PELI2: variants seen among roughly 807,000 people sequenced by gnomAD.
PELI2 encodes pellino E3 ubiquitin protein ligase family member 2, also known as E3 ubiquitin-protein ligase pellino homolog 2.
In PELI2, 23 loss-of-function variants were observed where a neutral mutation model predicts 42.3. The ratio of observed to expected loss-of-function variants is 0.54; its 90% CI spans 0.39 to 0.77. The LOEUF (loss-of-function observed/expected upper bound fraction) is 0.77, where lower values mean the gene tolerates loss of function less well. Ranked by LOEUF, PELI2 falls within the 30% of genes least tolerant of loss-of-function variation. PELI2 has a pLI of 0.00. For synonymous variants in PELI2, 245 were observed against 212.2 expected (o/e 1.15, Z -1.34); for missense variants, 463 against 553.2 (o/e 0.84, Z 1.64).
chr14:56,279,117 C>G (rs534749813), intron 2 of PELI2, among the ~76,000 whole-genome samples: 1 of 152,068 alleles, frequency 6.6e-6, no homozygotes, highest in Non-Finnish European at 1.5e-5. Context: ...TCTGACTTAA[C>G]TAGTTGCTTA....
intron 2 of PELI2, among the ~76,000 whole-genome samples, chr14:56,228,899 C>A (rs1256194697): frequency 6.6e-6 from 1 of 152,244 alleles, no homozygotes; most frequent in Non-Finnish European, 1.5e-5. Flanking sequence ...CACTCCCACC[C>A]TAATACTGTG....
chr14:56,187,432 A>C (rs1885805967), intron 2 of PELI2, among the ~76,000 whole-genome samples: 1 of 152,170 alleles, frequency 6.6e-6, no homozygotes, highest in Non-Finnish European at 1.5e-5. Flanking sequence ...AAGCAAAAAT[A>C]ATGGAGGCTT....
At chr14:56,291,152 T>C (rs1889814621) in intron 5 of PELI2, among the ~76,000 whole-genome samples, 1 of 152,246 alleles carries the variant, frequency 6.6e-6, no homozygotes, top group African/African-American at 2.4e-5. Flanking sequence ...CACTGATTTT[T>C]AGTAAGCTGT....
At chr14:56,207,008 G>C (rs1052669166) in intron 2 of PELI2, among the ~76,000 whole-genome samples, 2 of 152,132 alleles carry the variant, frequency 1.3e-5, no homozygotes, top group Middle Eastern at 3.2e-3. Context: ...GATTACATGG[G>C]TATTCAATTG....
At chr14:56,206,704 GTT>G (rs200466693) in intron 2 of PELI2, among the ~76,000 whole-genome samples, 2 of 151,422 alleles carry the variant, frequency 1.3e-5, no homozygotes, top group African/African-American at 2.4e-5. Flanking sequence ...CTCCTTGATC[GTT>G]TTTTTTGTTT....
At chr14:56,270,491 C>G (rs929401365) in intron 2 of PELI2, among the ~76,000 whole-genome samples, 1 of 152,148 alleles carries the variant, frequency 6.6e-6, no homozygotes, top group African/African-American at 2.4e-5. Context: ...GGATTTATTG[C>G]CTAATTATAC....
intron 3 of PELI2, among the ~76,000 whole-genome samples, chr14:56,285,771 T>C (rs1282957465): frequency 6.6e-6 from 1 of 152,028 alleles, no homozygotes; most frequent in African/African-American, 2.4e-5. Flanking sequence ...GTGGAGGAGA[T>C]AACAGGTTTT....
chr14:56,125,212 C>G (rs935413108), intron 1 of PELI2, among the ~76,000 whole-genome samples: 1 of 152,142 alleles, frequency 6.6e-6, no homozygotes, highest in African/African-American at 2.4e-5. Flanking sequence ...TTCAGTGACT[C>G]AAGATACTGA....
intron 2 of PELI2, among the ~76,000 whole-genome samples, chr14:56,186,211 G>T (rs1289048316): frequency 6.6e-6 from 1 of 152,190 alleles, no homozygotes; most frequent in Non-Finnish European, 1.5e-5. Context: ...ATGAGCCAAG[G>T]AGTGCAGGTG....
intron 3 of PELI2, among the ~76,000 whole-genome samples, chr14:56,284,063 C>G (rs540454569): frequency 6.6e-6 from 1 of 152,038 alleles, no homozygotes; most frequent in Non-Finnish European, 1.5e-5. Flanking sequence ...AAAATGATTT[C>G]TAGGGTTAAT....
At chr14:56,245,370 CTG>C (rs1402924657) in intron 2 of PELI2, among the ~76,000 whole-genome samples, 3 of 152,106 alleles carry the variant, frequency 2.0e-5, no homozygotes, top group African/African-American at 7.2e-5. Flanking sequence ...AAAGATTGTG[CTG>C]ATATGGAATA....
At chr14:56,135,192 C>T (rs1374427776) in intron 1 of PELI2, among the ~76,000 whole-genome samples, 1 of 152,104 alleles carries the variant, frequency 6.6e-6, no homozygotes, top group African/African-American at 2.4e-5. Flanking sequence ...TGTGCTGCCG[C>T]GTGAGGGCCC....
At chr14:56,236,909 C>T (rs1190389744) in intron 2 of PELI2, among the ~76,000 whole-genome samples, 1 of 152,146 alleles carries the variant, frequency 6.6e-6, no homozygotes, top group Admixed American at 6.5e-5. Flanking sequence ...TCTTTGTACT[C>T]TGGAGGTGTC....
chr14:56,249,319 T>G (rs1324989973), intron 2 of PELI2, among the ~76,000 whole-genome samples: 1 of 152,170 alleles, frequency 6.6e-6, no homozygotes, highest in Non-Finnish European at 1.5e-5. Context: ...TTAACATCCT[T>G]TACATATATC....
At chr14:56,122,946 T>C (rs1040951658) in intron 1 of PELI2, among the ~76,000 whole-genome samples, 1 of 152,196 alleles carries the variant, frequency 6.6e-6, no homozygotes, top group Non-Finnish European at 1.5e-5. Flanking sequence ...TGAGAAGGGC[T>C]CATTACATGT....
chr14:56,289,114 G>T (rs961936747), intron 4 of PELI2, among the ~76,000 whole-genome samples: 2 of 152,192 alleles, frequency 1.3e-5, no homozygotes, highest in East Asian at 3.9e-4. Flanking sequence ...GTAAACCCCA[G>T]AAGTTTTAGT....
intron 1 of PELI2, chr14:56,119,648 C>A: frequency 2.6e-6 from 1 of 384,740 alleles, no homozygotes; most frequent in Non-Finnish European, 3.6e-6. Flanking sequence ...CCTTAATAAG[C>A]CAGGAGAGAG....
chr14:56,155,405 A>G lies in PELI2; in HGVS notation c.78-22930A>G, dbSNP rs143390347. On this transcript the variant is annotated intron_variant, in intron 1 of 5. Coordinates refer to ENST00000267460, the MANE Select transcript of PELI2 (RefSeq NM_021255.3). ...GGTGGAATGTAAGATACAGCTTGAA[A>G]CAATTCTTTTCTTTCAAAGTAGCTT... is the stretch of plus-strand genomic sequence containing the variant. Among the ~76,000 whole-genome samples, 36 of 152,248 alleles carry G rather than the reference A, an allele frequency of 2.4e-4. 1 individual carries two copies. In the East Asian group the frequency reaches 6.9e-3, roughly 29 times the overall value.
chr14:56,250,578 C>A (rs138013520), intron 2 of PELI2, among the ~76,000 whole-genome samples: 37 of 152,272 alleles, frequency 2.4e-4, no homozygotes, highest in African/African-American at 8.9e-4. Context: ...AGTCCATAAG[C>A]TGAAGAACTC....
Sources: allele counts gnomAD v4.1 joint callset (sites outside exome capture counted in the v4.1 genomes callset), GRCh38; gene constraint gnomAD v4.1.1; transcripts MANE v1.5; gene names NCBI Gene and HGNC (gene_info 2026-07-23, HGNC 2026-07-21).